Variants in MCF2L observed in about 807,000 individuals in gnomAD.
MCF2L encodes guanine nucleotide exchange factor DBS.
A neutral mutation model predicts 153.4 loss-of-function variants in MCF2L; 97 were observed. The observed-to-expected ratio is 0.63, with a 90% CI of 0.54 to 0.75. MCF2L has a LOEUF of 0.75. MCF2L is among the 30% of genes least tolerant of loss of function. The pLI, the probability that MCF2L is intolerant of heterozygous loss-of-function variation, is 0.00. For synonymous variants in MCF2L, 659 were observed against 632.2 expected, an observed-to-expected ratio of 1.04 and a Z score of -0.64; for missense variants, 1,347 against 1,495.2, an observed-to-expected ratio of 0.90 and a Z score of 1.64.
At position 112,951,650 on chromosome 13, in the gene MCF2L, G is replaced by A. The variant is rs952526305; in HGVS notation, c.169+49279G>A. Among the ~76,000 whole-genome samples, 10 of 152,136 alleles carry A rather than the reference G, an allele frequency of 6.6e-5. No homozygotes were observed. The highest frequency in any genetic ancestry group is 2.0e-4 in the Admixed American group (3 of 15,282). On this transcript the variant is annotated intron_variant, in intron 2 of 29. Transcript: ENST00000375608. The surrounding 1 kb of genome is among the most constrained non-coding windows in gnomAD (Gnocchi z 4.8). ...CTGTGGAGAATAGTTCAGTGGTTGT[G>A]GGGGGTCCACGAGGGGTGATCTGGG... is the stretch of plus-strand genomic sequence containing the variant.
chr13:113,038,324 G>T (rs1164145044), intron 3 of MCF2L, among the ~76,000 whole-genome samples: 1 of 152,074 alleles, frequency 6.6e-6, no homozygotes, highest in Non-Finnish European at 1.5e-5. Context: ...AATTAGCAGG[G>T]TGTGGTGGTG....
upstream of MCF2L, chr13:112,965,906 G>A (rs1247209343): frequency 1.3e-5 from 2 of 152,224 alleles, no homozygotes; most frequent in African/African-American, 2.4e-5. Flanking sequence ...TAAGTGTCCT[G>A]GGTCTACCTG....
At chr13:112,940,673 T>A (rs1199223840) in intron 2 of MCF2L, among the ~76,000 whole-genome samples, 2 of 152,262 alleles carry the variant, frequency 1.3e-5, no homozygotes, top group Non-Finnish European at 2.9e-5. Flanking sequence ...TTAGAATATA[T>A]TGTTTTGCAG....
At chr13:112,900,806 G>A (rs2081112647) in intron 1 of MCF2L, among the ~76,000 whole-genome samples, 1 of 152,108 alleles carries the variant, frequency 6.6e-6, no homozygotes, top group Admixed American at 6.5e-5. Context: ...CTCGGGACGG[G>A]CCTGCTCTCC....
intron 16 of MCF2L, 67 bp from the exon 17 acceptor site, chr13:113,082,360 C>A: frequency 2.1e-6 from 2 of 932,036 alleles, no homozygotes; most frequent in African/African-American, 1.6e-5. Flanking sequence ...GCCGGCATCC[C>A]TGGCCCACCT....
At position 113,030,019 on chromosome 13, in the gene MCF2L, A is replaced by T. The variant is rs34459411; in HGVS notation, c.278+5261A>T. Among the ~76,000 whole-genome samples the T allele has an allele frequency of 5.9e-5, 9 of 152,326 alleles. No homozygotes were observed. The East Asian group carries it at 1.5e-3, about 26-fold the overall frequency. ...ATTTTAACTTTCCTTCTGTTTTCAT[A>T]TGCAAATGCCAGGTGTCCCAATTTA... On this transcript the variant is annotated intron_variant, in intron 3 of 29. Transcript: ENST00000535094.
chr13:113,056,589 G>A (rs1259026728), intron 4 of MCF2L, among the ~76,000 whole-genome samples: 1 of 147,988 alleles, frequency 6.8e-6, no homozygotes, highest in African/African-American at 2.5e-5. Flanking sequence ...CTGTGTGTTT[G>A]GGTGCTGAGT....
At chr13:112,998,593 G>A (rs888559593) in intron 1 of MCF2L, among the ~76,000 whole-genome samples, 12 of 152,186 alleles carry the variant, frequency 7.9e-5, no homozygotes, top group African/African-American at 2.9e-4. Context: ...ATGGTCGTGT[G>A]TTCAAAATGT....
chr13:113,085,289 A>G, intron 20 of MCF2L, 111 bp downstream of exon 20: 1 of 835,024 alleles, frequency 1.2e-6, no homozygotes, highest in South Asian at 1.5e-5. Context: ...GGCCAAGGGC[A>G]CCTCTTCCGA....
chr13:113,034,647 G>A (rs560303862), intron 3 of MCF2L, among the ~76,000 whole-genome samples: 24 of 150,596 alleles, frequency 1.6e-4, no homozygotes, highest in African/African-American at 4.9e-4. Context: ...CCACGCCCTC[G>A]CCCTTGCCCT....
intron 1 of MCF2L, among the ~76,000 whole-genome samples, chr13:113,007,140 G>A (rs1199875023): frequency 1.3e-5 from 2 of 152,166 alleles, no homozygotes; most frequent in East Asian, 3.9e-4. Context: ...TGTGTGTATG[G>A]TGTGACTACA....
rs1332287687 is a variant in MCF2L at position 113,096,374 on chromosome 13, C to T, written c.3079C>T (p.Pro1027Ser). The T allele has an allele frequency of 1.3e-6, 2 of 1,574,874 alleles. No individual in the cohort carries two copies. The highest frequency in any genetic ancestry group is 1.7e-6 in the Non-Finnish European group (2 of 1,161,016). ...GCCCCTGCCCGTCTCCCACCAGGTT[C>T]CAGGTAAATACACGGTCGTGGCGGA... ...DGGLGPKKLVPGKYTVVADHE... is the reference protein window; with the variant it reads ...DGGLGPKKLVSGKYTVVADHE... Residue 1027 changes from proline (P) to serine (S), a missense_variant, in exon 28 of 30, where the codon CCA becomes TCA. Pro to Ser is a moderately conservative substitution (Grantham distance 74). Around this residue, in one of 3 missense-constraint regions of MCF2L, gnomAD observed 383 missense variants for 335.4 expected, o/e 1.14. Coordinates refer to ENST00000535094, the MANE Select transcript of MCF2L (RefSeq NM_001112732.3).
chr13:113,095,559 C>T (rs1427286492), intron 27 of MCF2L: 5 of 1,010,776 alleles, frequency 4.9e-6, no homozygotes, highest in African/African-American at 1.7e-5. Context: ...GGAGCCAGTA[C>T]AGGCCATCAC....
At chr13:112,957,108 T>C (rs1300586074) in intron 2 of MCF2L, 1 of 151,884 alleles carries the variant, frequency 6.6e-6, no homozygotes, top group Admixed American at 6.6e-5. Context: ...CAAAGGATAA[T>C]GGTGCATTAT....
intron 2 of MCF2L, among the ~76,000 whole-genome samples, chr13:112,905,498 T>C (rs2081164263): frequency 6.6e-6 from 1 of 152,190 alleles, no homozygotes; most frequent in Non-Finnish European, 1.5e-5. Context: ...GCAAGGAAGT[T>C]AGGCTTTGAG....
In MCF2L at chr13:113,065,043, C is replaced by T. The variant is rs2032140187; in HGVS notation, c.714C>T (p.Ser238=). The T allele has an allele frequency of 1.2e-6, 2 of 1,611,830 alleles. No individual in the cohort carries two copies. The highest frequency in any genetic ancestry group is 3.3e-5 in the Admixed American group (2 of 59,896). Residue 238 remains serine, a synonymous_variant, in exon 7 of 30, where the codon AGC becomes AGT. Coordinates refer to ENST00000535094, the MANE Select transcript of MCF2L (RefSeq NM_001112732.3). Reference sequence around the variant, plus strand: ...TGCCCAATGACGTCCAGTCGACAAGCTCAGTGCTGTGTGCGCACACAGAGA... The same window carrying T: ...TGCCCAATGACGTCCAGTCGACAAGTTCAGTGCTGTGTGCGCACACAGAGA... ...TELPNDVQST[S]SVLCAHTEKK...
At chr13:112,931,362 C>G (rs1446219739) in intron 2 of MCF2L, among the ~76,000 whole-genome samples, 2 of 152,218 alleles carry the variant, frequency 1.3e-5, no homozygotes, top group Admixed American at 6.5e-5. Context: ...TACAGGTCGG[C>G]AGTGCTGACG....
chr13:113,090,303 G>C, intron 26 of MCF2L: 2 of 1,245,200 alleles, frequency 1.6e-6, no homozygotes, highest in South Asian at 1.4e-5. Context: ...CCCTGATGCT[G>C]TGTCTCGCGC....
At position 113,099,420 on chromosome 13, in the gene MCF2L, C is replaced by T. The variant is rs2035834700; in HGVS notation, c.*2561C>T. ...TAACTCACGGGATGCGGGCAGTCTG[C>T]TCTCTAGAACTGGACAGCGTGCACA... On this transcript the variant is annotated 3_prime_UTR_variant, in exon 30 of 30. Transcript: ENST00000535094. 1 of 152,228 alleles carries T rather than the reference C, an allele frequency of 6.6e-6. No homozygotes were observed. The highest frequency in any genetic ancestry group is 6.5e-5 in the Admixed American group (1 of 15,284). 9.4% of individuals were successfully genotyped at this position (152,228 alleles called of 1,614,324 possible).
Sources: allele counts gnomAD v4.1 joint callset (sites outside exome capture counted in the v4.1 genomes callset), GRCh38; gene constraint gnomAD v4.1.1; regional missense constraint gnomAD v4.1.1; non-coding constraint Gnocchi (gnomAD v3.1); transcripts MANE v1.5; gene names NCBI Gene and HGNC (gene_info 2026-07-23, HGNC 2026-07-21).